The following GRAMD4 variants were observed in gnomAD, a reference collection of about 807,000 sequenced individuals.
The protein encoded by GRAMD4 is GRAM domain-containing protein 4.
Under a neutral mutation model 83.9 loss-of-function variants are expected in GRAMD4, and 25 were observed. The ratio of observed to expected loss-of-function variants is 0.30; its 90% CI spans 0.22 to 0.42. The LOEUF (loss-of-function observed/expected upper bound fraction) is 0.42, where lower values mean the gene tolerates loss of function less well. GRAMD4 is among the 10% of genes least tolerant of loss of function. The pLI is 1.00. For missense variants in GRAMD4, 593 were observed against 788.7 expected (o/e 0.75, Z 2.97); for synonymous variants, 336 against 320.9 (o/e 1.05, Z -0.50).
At chr22:46,601,137 C>T (rs911747696) in intron 1 of GRAMD4, among the ~76,000 whole-genome samples, 7 of 151,012 alleles carry the variant, frequency 4.6e-5, no homozygotes, top group African/African-American at 1.7e-4. Flanking sequence ...GAGCGAGACT[C>T]TGTCTCAAAG....
At chr22:46,580,792 C>A (rs1433435675) in intron 1 of GRAMD4, among the ~76,000 whole-genome samples, 1 of 151,962 alleles carries the variant, frequency 6.6e-6, no homozygotes, top group East Asian at 1.9e-4. Flanking sequence ...TGGAGAAATC[C>A]CCACGTCTAC....
upstream of GRAMD4, among the ~76,000 whole-genome samples, chr22:46,618,848 G>C (rs2081537225): frequency 6.6e-6 from 1 of 152,220 alleles, no homozygotes; most frequent in African/African-American, 2.4e-5. The surrounding 1 kb of genome is among the most constrained non-coding windows in gnomAD (Gnocchi z 5.8). Context: ...AAGGGCTCTT[G>C]AGGGTTTCAC....
intron 1 of GRAMD4, among the ~76,000 whole-genome samples, chr22:46,624,427 C>T (rs1478729747): frequency 7.0e-6 from 1 of 142,390 alleles, no homozygotes; most frequent in East Asian, 2.2e-4. Flanking sequence ...CTCCCGGGTT[C>T]AAGCAATTCC....
In GRAMD4 at chr22:46,675,568, C is replaced by G; in HGVS notation, c.1563+16C>G. ...CATCCAGAAGGTTGGTGCACCTACC[C>G]ACCCCCACTAACCCCCGTGTTTTCT... On this transcript the variant is annotated intron_variant, in intron 17 of 18. Coordinates refer to ENST00000406902, the MANE Select transcript of GRAMD4 (RefSeq NM_015124.5). 7 of 1,510,572 alleles carry G rather than the reference C, an allele frequency of 4.6e-6. No individual in the cohort carries two copies. Among genetic ancestry groups the G allele is most frequent in the Non-Finnish European group, 6.4e-6 (7 of 1,085,808 alleles). The allele number at this position is 1,510,572 out of a possible 1,614,324, so 93.6% of individuals were successfully genotyped here.
intron 3 of GRAMD4, among the ~76,000 whole-genome samples, chr22:46,640,368 A>T (rs768282887): frequency 9.9e-5 from 15 of 151,906 alleles, no homozygotes; most frequent in Non-Finnish European, 1.2e-4. Context: ...GGGTGGAGGG[A>T]TGGAGGGACG....
At chr22:46,593,465 G>T (rs1352673150) in intron 1 of GRAMD4, among the ~76,000 whole-genome samples, 1 of 152,130 alleles carries the variant, frequency 6.6e-6, no homozygotes, top group African/African-American at 2.4e-5. Flanking sequence ...AGGTGGGACC[G>T]CCCCCCAACC....
chr22:46,615,630 G>A (rs1198787498), upstream of GRAMD4, among the ~76,000 whole-genome samples: 8 of 108,086 alleles, frequency 7.4e-5, no homozygotes, highest in Non-Finnish European at 1.1e-4. Context: ...AGGTTCCCCC[G>A]TGTGTAGGTT....
At chr22:46,674,793 G>GCCCC in intron 16 of GRAMD4, 43 bp downstream of exon 16, 1 of 1,380,248 alleles carries the variant, frequency 7.2e-7, no homozygotes, top group Non-Finnish European at 1.0e-6. Context: ...AGGGGAGGGG[G>GCCCC]CGCAGGAGGC....
chr22:46,620,138 G>T (rs1285831021), upstream of GRAMD4, among the ~76,000 whole-genome samples: 1 of 152,098 alleles, frequency 6.6e-6, no homozygotes, highest in Non-Finnish European at 1.5e-5. The surrounding 1 kb of genome is among the most constrained non-coding windows in gnomAD (Gnocchi z 4.7). Context: ...TAAATCTTGG[G>T]CTGGGGAAGG....
At chr22:46,665,550 G>T in intron 8 of GRAMD4, 65 bp from the exon 9 acceptor site, 3 of 866,424 alleles carry the variant, frequency 3.5e-6, no homozygotes, top group Non-Finnish European at 5.7e-6. Context: ...GGGGGAGGCG[G>T]GAGGGATGTG....
chr22:46,595,319 G>A (rs906070516), intron 1 of GRAMD4, among the ~76,000 whole-genome samples: 1 of 152,188 alleles, frequency 6.6e-6, no homozygotes, highest in African/African-American at 2.4e-5. Context: ...TGGGACTGGT[G>A]TTTCACTTGG....
chr22:46,643,504 A>G (rs893021490), intron 3 of GRAMD4, among the ~76,000 whole-genome samples: 3 of 152,350 alleles, frequency 2.0e-5, no homozygotes, highest in Admixed American at 6.5e-5. Flanking sequence ...AAAATCAGGA[A>G]ATTAACATTG....
intron 1 of GRAMD4, among the ~76,000 whole-genome samples, chr22:46,592,026 A>G (rs1185113035): frequency 2.0e-5 from 3 of 151,920 alleles, no homozygotes; most frequent in African/African-American, 7.3e-5. Context: ...TCTCGCCCCC[A>G]AGTCCCCACA....
rs1601653940 is a variant in GRAMD4 at position 46,659,331 on chromosome 22, C to T, written c.404+1024C>T. 2.0e-5 allele frequency among the ~76,000 whole-genome samples: 3 copies of T among 152,230 alleles called. No individual in the cohort carries two copies. In the South Asian group the frequency reaches 6.2e-4, roughly 32 times the overall value. ...CCGTCCTCAGACTCCACTCCCTCAG[C>T]CTCCCCACTCAGGTTCCACTCAGCC... On this transcript the variant is annotated intron_variant, in intron 4 of 18. Transcript: ENST00000406902. The surrounding 1 kb of genome is among the most constrained non-coding windows in gnomAD (Gnocchi z 4.1).
intron 3 of GRAMD4, among the ~76,000 whole-genome samples, chr22:46,644,897 CTTTTTTTTTTTTTTTTTT>C (rs35677843): frequency 2.4e-4 from 10 of 41,014 alleles, no homozygotes; most frequent in East Asian, 9.8e-4. Flanking sequence ...TGCACATGGC[CTTTTTTTTTTTTTTTTTT>C]TTTTTTTTTT....
chr22:46,678,226 G>A lies in GRAMD4; in HGVS notation c.*975G>A. 4 of 985,264 alleles carry A rather than the reference G, an allele frequency of 4.1e-6. No individual in the cohort carries two copies. The highest frequency in any genetic ancestry group is 4.8e-6 in the Non-Finnish European group (4 of 829,782). The allele number at this position is 985,264 out of a possible 1,614,324, so 61.0% of individuals were successfully genotyped here. A position where few individuals can be genotyped will look rare whatever the true frequency, so the allele number is the denominator to read the frequency against. On this transcript the variant is annotated 3_prime_UTR_variant, in exon 19 of 19. Transcript: ENST00000406902. The stretch of plus-strand genomic sequence containing the variant: ...GGAGGAGTGTTCCGGGACCATGGTG[G>A]CCCAGGCTGCAGCCGCCTTTGGGCC...
intron 3 of GRAMD4, among the ~76,000 whole-genome samples, chr22:46,656,030 C>T (rs990988775): frequency 1.3e-5 from 2 of 152,040 alleles, no homozygotes; most frequent in African/African-American, 4.8e-5. Flanking sequence ...CTGGGCAGCC[C>T]GCAGGGACAG....
chr22:46,623,891 C>G (rs12160616), intron 1 of GRAMD4, among the ~76,000 whole-genome samples: 6,958 of 151,366 alleles, frequency 0.046, 246 homozygotes, highest in African/African-American at 0.1. Context: ...AAGCAATTCT[C>G]CTGCCTCACT....
intron 3 of GRAMD4, among the ~76,000 whole-genome samples, chr22:46,643,750 C>G (rs1259038807): frequency 6.6e-6 from 1 of 152,212 alleles, no homozygotes; most frequent in Non-Finnish European, 1.5e-5. Flanking sequence ...TGAAGAGACT[C>G]AGGTCATGCG....
Sources: gnomAD v4.1 joint callset for allele counts (sites outside exome capture counted in the v4.1 genomes callset) on GRCh38, gnomAD v4.1.1 for gene constraint, Gnocchi (gnomAD v3.1) non-coding constraint, MANE v1.5 for transcripts, NCBI Gene and HGNC (gene_info 2026-07-23, HGNC 2026-07-21) for gene names.